Variants in MTARC2 observed in about 807,000 individuals in gnomAD.
MTARC2 encodes MOCO sulphurase C-terminal domain containing 2.
MTARC2 carries 27 observed loss-of-function variants against 35.6 expected under a neutral mutation model. The observed-to-expected ratio is 0.76, with a 90% CI of 0.56 to 1.04. MTARC2 has a LOEUF of 1.04. MTARC2 is among the 50% of genes least tolerant of loss of function. MTARC2 has a pLI of 0.00. For synonymous variants in MTARC2, 158 were observed against 167.1 expected, an observed-to-expected ratio of 0.95 and a Z score of 0.42; for missense variants, 412 against 432.5, an observed-to-expected ratio of 0.95 and a Z score of 0.42.
chr1:220,750,174 TGAA>T (rs999222473), intron 1 of MTARC2, among the ~76,000 whole-genome samples: 3 of 152,082 alleles, frequency 2.0e-5, no homozygotes, highest in African/African-American at 4.8e-5. Context: ...TCCGAGACCA[TGAA>T]GAAGAAGAGG....
intron 4 of MTARC2, among the ~76,000 whole-genome samples, chr1:220,768,020 A>G (rs1048443308): frequency 6.6e-6 from 1 of 152,170 alleles, no homozygotes; most frequent in African/African-American, 2.4e-5. Flanking sequence ...GGCTTCAGGG[A>G]TTTCTTGAAG....
At chr1:220,769,999 C>T (rs185991372) in intron 4 of MTARC2, among the ~76,000 whole-genome samples, 1 of 149,864 alleles carries the variant, frequency 6.7e-6, no homozygotes, top group East Asian at 2.0e-4. Context: ...CCCAGCTACT[C>T]GGGAGGCTGA....
intron 4 of MTARC2, 30 bp downstream of exon 4, chr1:220,763,080 G>C: frequency 6.2e-7 from 1 of 1,614,080 alleles, no homozygotes; most frequent in South Asian, 1.1e-5. Context: ...TGTGCATCAT[G>C]CTCAGATGTG....
In MTARC2 at chr1:220,780,228, C is replaced by T. The variant is rs1672031146; in HGVS notation, c.873C>T (p.Asp291=). Reference sequence around the variant, plus strand: ...TCATAGACAGGAAACAGCCACTGGACACCCTGAAGAGGTAGAATACCACCA... The same window carrying T: ...TCATAGACAGGAAACAGCCACTGGATACCCTGAAGAGGTAGAATACCACCA... The part of the protein sequence containing the change: ...TGVIDRKQPL[D]TLKSYRLCDP... Residue 291 remains aspartate, a synonymous_variant, in exon 6 of 8, where the codon GAC becomes GAT. Coordinates refer to ENST00000366913, the MANE Select transcript of MTARC2 (RefSeq NM_017898.5). 2 of 1,612,162 alleles carry T rather than the reference C, an allele frequency of 1.2e-6. No individual in the cohort carries two copies. The highest frequency in any genetic ancestry group is 1.7e-6 in the Non-Finnish European group (2 of 1,179,378).
At chr1:220,759,493 G>T (rs1016455712) in intron 2 of MTARC2, among the ~76,000 whole-genome samples, 7 of 152,210 alleles carry the variant, frequency 4.6e-5, no homozygotes, top group Non-Finnish European at 7.4e-5. Flanking sequence ...GCCTTCCATC[G>T]GGGGGAAGGG....
At chr1:220,781,972 G>A in intron 7 of MTARC2, 40 bp downstream of exon 7, 1 of 1,491,710 alleles carries the variant, frequency 6.7e-7, no homozygotes, top group East Asian at 2.3e-5. Flanking sequence ...CTGTCTTGAA[G>A]CCATTGCTGC....
At chr1:220,779,886 A>G in intron 4 of MTARC2, 132 bp from the exon 5 acceptor site, 1 of 631,284 alleles carries the variant, frequency 1.6e-6, no homozygotes, top group Non-Finnish European at 2.5e-6. Context: ...CCTCTGGGAG[A>G]TATTTCTTGG....
chr1:220,771,769 G>A (rs527676644), intron 4 of MTARC2, among the ~76,000 whole-genome samples: 4 of 152,092 alleles, frequency 2.6e-5, no homozygotes, highest in Non-Finnish European at 4.4e-5. Flanking sequence ...GGGGGACAAG[G>A]GGTGGGAGAG....
chr1:220,750,919 T>G (rs1230237897), intron 1 of MTARC2, among the ~76,000 whole-genome samples: 1 of 152,180 alleles, frequency 6.6e-6, no homozygotes, highest in Non-Finnish European at 1.5e-5. Context: ...TCAGGAGACT[T>G]TGGGCGAACT....
At chr1:220,778,516 C>A (rs1671980283) in intron 4 of MTARC2, among the ~76,000 whole-genome samples, 1 of 152,174 alleles carries the variant, frequency 6.6e-6, no homozygotes, top group Non-Finnish European at 1.5e-5. Flanking sequence ...CTAAACCATT[C>A]ATGAAAGATC....
chr1:220,769,953 A>G (rs1451973620), intron 4 of MTARC2, among the ~76,000 whole-genome samples: 1 of 149,628 alleles, frequency 6.7e-6, no homozygotes, highest in Non-Finnish European at 1.5e-5. Flanking sequence ...AAAAAAAAAA[A>G]AAAATTAAGC....
chr1:220,773,714 T>C (rs1028775718), intron 4 of MTARC2, among the ~76,000 whole-genome samples: 3 of 152,160 alleles, frequency 2.0e-5, no homozygotes, highest in Non-Finnish European at 4.4e-5. Context: ...AAAGACATCA[T>C]GTATTTGATG....
chr1:220,749,023 C>G (rs1007057860), intron 1 of MTARC2, among the ~76,000 whole-genome samples: 2 of 152,216 alleles, frequency 1.3e-5, no homozygotes, highest in African/African-American at 4.8e-5. Context: ...CTTCCCTAGA[C>G]GAGAGATTCC....
chr1:220,749,678 G>A (rs1671080473), intron 1 of MTARC2, among the ~76,000 whole-genome samples: 1 of 152,048 alleles, frequency 6.6e-6, no homozygotes, highest in Admixed American at 6.6e-5. Flanking sequence ...GAATCCACCA[G>A]CCTCGGCCTC....
intron 4 of MTARC2, among the ~76,000 whole-genome samples, chr1:220,775,740 C>CA (rs1216815946): frequency 6.6e-6 from 1 of 152,158 alleles, no homozygotes; most frequent in Non-Finnish European, 1.5e-5. Context: ...CATGTGTATT[C>CA]AACATTTAGC....
chr1:220,784,434 T>G lies in MTARC2; in HGVS notation c.*547T>G, dbSNP rs1196211926. On this transcript the variant is annotated 3_prime_UTR_variant, in exon 8 of 8. Transcript: ENST00000366913. Reference sequence around the variant, plus strand: ...GACTTTCCACTCATGTGCTTTTTACTCTAGCATTATGGAATCTGGGCTGTA... The same window carrying G: ...GACTTTCCACTCATGTGCTTTTTACGCTAGCATTATGGAATCTGGGCTGTA... The G allele has an allele frequency of 1.3e-5, 2 of 159,202 alleles. No homozygotes were observed. The highest frequency in any genetic ancestry group is 2.8e-5 in the Non-Finnish European group (2 of 72,656). The allele number at this position is 159,202 out of a possible 1,614,324, so 9.9% of individuals were successfully genotyped here.
At chr1:220,783,240 A>G (rs1435024306) in intron 7 of MTARC2, among the ~76,000 whole-genome samples, 1 of 152,262 alleles carries the variant, frequency 6.6e-6, no homozygotes, top group Non-Finnish European at 1.5e-5. Flanking sequence ...GATGCATATA[A>G]TAATGGTGCA....
chr1:220,753,026 A>C (rs1671167988), intron 1 of MTARC2, among the ~76,000 whole-genome samples: 1 of 149,158 alleles, frequency 6.7e-6, no homozygotes, highest in African/African-American at 2.5e-5. Flanking sequence ...CATCCTGGCT[A>C]ACACGGTGAA....
At chr1:220,766,278 C>G (rs1012729435) in intron 4 of MTARC2, among the ~76,000 whole-genome samples, 2 of 152,142 alleles carry the variant, frequency 1.3e-5, no homozygotes, top group African/African-American at 4.8e-5. Context: ...AGGTTCAAGG[C>G]CTTGAAAGGT....
Sources: gnomAD v4.1 joint callset for allele counts (sites outside exome capture counted in the v4.1 genomes callset) on GRCh38, gnomAD v4.1.1 for gene constraint, MANE v1.5 for transcripts, NCBI Gene and HGNC (gene_info 2026-07-23, HGNC 2026-07-21) for gene names.